Variants in WDR25 observed in about 807,000 individuals in gnomAD.
WDR25 encodes WD repeat-containing protein 25.
In WDR25, 35 loss-of-function variants were observed where a neutral mutation model predicts 47.7. That is an observed-to-expected ratio of 0.73 (90% CI 0.56 to 0.97). The LOEUF is 0.97. WDR25 is among the 50% of genes least tolerant of loss of function. The pLI is 0.00. For synonymous variants in WDR25, 248 were observed against 278.9 expected, an observed-to-expected ratio of 0.89 and a Z score of 1.10; for missense variants, 634 against 704.7, an observed-to-expected ratio of 0.90 and a Z score of 1.14.
intron 4 of WDR25, among the ~76,000 whole-genome samples, chr14:100,519,723 CTATATATAGTGTATATATAGTA>C (rs1256577956): frequency 0.044 from 6,042 of 136,104 alleles, 487 homozygotes; most frequent in African/African-American, 0.16. Flanking sequence ...TGTATATATA[CTATATATAGTGTATATATAGTA>C]TATATATAGT....
At chr14:100,526,247 G>T (rs1382412781) in intron 5 of WDR25, among the ~76,000 whole-genome samples, 1 of 152,166 alleles carries the variant, frequency 6.6e-6, no homozygotes, top group Non-Finnish European at 1.5e-5. Flanking sequence ...TGCTCTTCTT[G>T]TGCCAGCACA....
At chr14:100,473,194 C>A (rs543489560) in intron 3 of WDR25, among the ~76,000 whole-genome samples, 2 of 152,152 alleles carry the variant, frequency 1.3e-5, no homozygotes, top group African/African-American at 4.8e-5. Context: ...GGTTCCAGCA[C>A]GCTGCCTGGC....
intron 4 of WDR25, chr14:100,487,569 C>G (rs1328524979): frequency 6.6e-6 from 1 of 152,168 alleles, no homozygotes; most frequent in African/African-American, 2.4e-5. Context: ...ATCTGTCACC[C>G]TATTGATTGT....
chr14:100,411,279 A>G (rs1227174373), intron 2 of WDR25, among the ~76,000 whole-genome samples: 4 of 152,058 alleles, frequency 2.6e-5, no homozygotes, highest in Non-Finnish European at 5.9e-5. Context: ...CTGTTTCCCC[A>G]TGTGTAAAAC....
intron 4 of WDR25, 41 bp downstream of exon 4, chr14:100,484,165 C>G (rs779149416): frequency 1.3e-6 from 2 of 1,575,298 alleles, no homozygotes; most frequent in Non-Finnish European, 1.7e-6. Flanking sequence ...CACAGGAGAG[C>G]TTGTTTCGAC....
chr14:100,525,778 A>C lies in WDR25; in HGVS notation c.1102-92A>C, dbSNP rs1164977407. ...TGTGGCCCAGCATAAACTTCACTAA[A>C]CCTGCCTGCCCCCTGGGTCCTTGGC... is the stretch of plus-strand genomic sequence containing the variant. On this transcript the variant is annotated intron_variant, in intron 4 of 6. Coordinates refer to ENST00000402312, the MANE Select transcript of WDR25 (RefSeq NM_001161476.3). The surrounding 1 kb of genome is among the most constrained non-coding windows in gnomAD (Gnocchi z 4.6). 6.7e-7 allele frequency: 1 copy of C among 1,488,474 alleles called. No homozygotes were observed. Among genetic ancestry groups the C allele is most frequent in the Admixed American group, 2.1e-5 (1 of 47,666 alleles). 92.2% of individuals were successfully genotyped at this position (1,488,474 alleles called of 1,614,324 possible).
intron 2 of WDR25, among the ~76,000 whole-genome samples, chr14:100,411,555 G>A (rs1393746514): frequency 1.4e-5 from 2 of 142,570 alleles, no homozygotes; most frequent in African/African-American, 5.2e-5. Context: ...TTTTTTTCTC[G>A]AGATAGAGTC....
chr14:100,465,971 T>C (rs879420182), intron 2 of WDR25, among the ~76,000 whole-genome samples: 21 of 152,284 alleles, frequency 1.4e-4, no homozygotes, highest in Admixed American at 6.5e-5. Context: ...GCTTGACTTA[T>C]GTACTTAATA....
chr14:100,394,060 C>G (rs536757885), intron 2 of WDR25, among the ~76,000 whole-genome samples: 1 of 152,160 alleles, frequency 6.6e-6, no homozygotes, highest in African/African-American at 2.4e-5. Context: ...ACTCTGTAAA[C>G]GATAACGCTC....
At chr14:100,464,321 G>GC (rs764647608) in intron 2 of WDR25, among the ~76,000 whole-genome samples, 3 of 152,034 alleles carry the variant, frequency 2.0e-5, no homozygotes, top group Non-Finnish European at 4.4e-5. Flanking sequence ...CACCATTTCA[G>GC]CCCCTTCCCT....
At chr14:100,462,004 AT>A (rs1899430939) in intron 2 of WDR25, among the ~76,000 whole-genome samples, 2 of 150,564 alleles carry the variant, frequency 1.3e-5, no homozygotes, top group Admixed American at 1.3e-4. Context: ...TTCCTTTGGG[AT>A]TTTGTTTTTG....
At chr14:100,400,773 G>A (rs900022318) in intron 2 of WDR25, among the ~76,000 whole-genome samples, 2 of 152,106 alleles carry the variant, frequency 1.3e-5, no homozygotes, top group African/African-American at 2.4e-5. Context: ...CCTTTCAGTC[G>A]TGAATTTTAA....
intron 2 of WDR25, among the ~76,000 whole-genome samples, chr14:100,413,332 C>T (rs559614721): frequency 6.6e-6 from 1 of 152,260 alleles, no homozygotes; most frequent in Admixed American, 6.5e-5. Flanking sequence ...GTTAGTTCCA[C>T]CCCCAACCTC....
Position 100,488,042 on chromosome 14 carries a change from T to G in WDR25, c.1101+3918T>G, listed in dbSNP as rs1900441481. ...TCCTTAAACGTAGCCAAGTGCTAAG[T>G]GTCAAGATTCTGGACTTCTCTAGTC... On this transcript the variant is annotated intron_variant, in intron 4 of 6. Transcript: ENST00000402312. This position sits in a 1 kb window ranked among gnomAD's most constrained non-coding sequence, Gnocchi z 4.2. Among the ~76,000 whole-genome samples, 1 of 152,196 alleles carries G rather than the reference T, an allele frequency of 6.6e-6. No individual in the cohort carries two copies.
At chr14:100,442,059 G>A (rs1898686773) in intron 2 of WDR25, among the ~76,000 whole-genome samples, 1 of 152,226 alleles carries the variant, frequency 6.6e-6, no homozygotes, top group Non-Finnish European at 1.5e-5. Flanking sequence ...GAGGTGCCAG[G>A]AGGAGCAGGA....
intron 2 of WDR25, among the ~76,000 whole-genome samples, chr14:100,414,473 C>T (rs773587849): frequency 2.0e-5 from 3 of 151,356 alleles, no homozygotes; most frequent in Non-Finnish European, 2.9e-5. Context: ...CCACCATGCC[C>T]GGCTAATTTT....
At chr14:100,423,440 G>A (rs919712917) in intron 2 of WDR25, among the ~76,000 whole-genome samples, 9 of 152,138 alleles carry the variant, frequency 5.9e-5, no homozygotes, top group Admixed American at 2.0e-4. Context: ...TATTCCGATC[G>A]TACTGTGAGG....
chr14:100,513,645 T>C lies in WDR25; in HGVS notation c.1102-12225T>C, dbSNP rs1290509073. Among the ~76,000 whole-genome samples, 3 of 152,196 alleles carry C rather than the reference T, an allele frequency of 2.0e-5. No homozygotes were observed. The East Asian group carries it at 5.8e-4, about 29-fold the overall frequency. On this transcript the variant is annotated intron_variant, in intron 4 of 6. Transcript: ENST00000402312. ...GGTGCATACACAGTTAGGATTATCA[T>C]GTTCTCCTAATGAATTGATTCTTTT...
rs1375238994 is a variant in WDR25, at chr14:100,430,790, C to T, written c.823-37231C>T. 6.6e-6 allele frequency among the ~76,000 whole-genome samples: 1 copy of T among 152,186 alleles called. No homozygotes were observed. Among genetic ancestry groups the T allele is most frequent in the Admixed American group, 6.5e-5 (1 of 15,282 alleles). ...CTGCACAGATGAGGCTTGCTTCGTGCTCCCCAGCCTGGCAACGTGGACATT... is the reference window on the plus strand; with the variant it reads ...CTGCACAGATGAGGCTTGCTTCGTGTTCCCCAGCCTGGCAACGTGGACATT... On this transcript the variant is annotated intron_variant, in intron 2 of 6. Transcript: ENST00000402312. This position sits in a 1 kb window ranked among gnomAD's most constrained non-coding sequence, Gnocchi z 4.7.
Sources: gnomAD v4.1 joint callset for allele counts (sites outside exome capture counted in the v4.1 genomes callset) on GRCh38, gnomAD v4.1.1 for gene constraint, Gnocchi (gnomAD v3.1) non-coding constraint, MANE v1.5 for transcripts, NCBI Gene and HGNC (gene_info 2026-07-23, HGNC 2026-07-21) for gene names.